The following NEB variants were observed in gnomAD, a reference collection of about 807,000 sequenced individuals.
NEB encodes the protein nebulin.
NEB carries 512 observed loss-of-function variants against 952.2 expected under a neutral mutation model. That is an observed-to-expected ratio of 0.54 (90% CI 0.50 to 0.58). The LOEUF (loss-of-function observed/expected upper bound fraction) is 0.58, where lower values mean the gene tolerates loss of function less well. Among genes scored for constraint, NEB ranks in the 20% least tolerant of loss-of-function variants. The probability of loss-of-function intolerance (pLI) is 0.00; values close to 1 mark genes in which losing one functional copy is unlikely to be tolerated. For synonymous variants in NEB, 2,900 were observed against 3,149.8 expected (o/e 0.92, Z 2.66); for missense variants, 8,428 against 9,231.1 (o/e 0.91, Z 3.56).
chr2:151,669,276 C>T, intron 38 of NEB, 145 bp from the exon 39 acceptor site: 4 of 610,006 alleles, frequency 6.6e-6, no homozygotes, highest in Non-Finnish European at 1.2e-5. Context: ...GGGAGGGGCC[C>T]TGGTAGATGC....
chr2:151,653,474 G>A (rs2099053276), intron 52 of NEB, among the ~76,000 whole-genome samples: 1 of 152,062 alleles, frequency 6.6e-6, no homozygotes, highest in South Asian at 2.1e-4. Context: ...AAGCCCTTGG[G>A]AACTTAAACC....
At chr2:151,526,107 TG>T in intron 149 of NEB, 39 bp from the exon 150 acceptor site, 19 of 1,611,848 alleles carry the variant, frequency 1.2e-5, no homozygotes, top group Non-Finnish European at 1.5e-5. Flanking sequence ...GGCATCTGCC[TG>T]GGGCGTTCTC....
rs769197414 is a variant in NEB, at chr2:151,540,296, C to T, written c.20892+48G>A. On this transcript the variant is annotated intron_variant, in intron 138 of 181. Coordinates refer to ENST00000397345, the MANE Select transcript of NEB (RefSeq NM_001164508.2). ...ATGTTATGTTTCTTAGGTACTTCAA[C>T]CTCAGCTCTCCCCATCACAACAGAA... The T allele has an allele frequency of 1.3e-5, 15 of 1,159,204 alleles. No homozygotes were observed. The South Asian group carries it at 2.2e-4, about 17-fold the overall frequency. 71.8% of individuals were successfully genotyped at this position (1,159,204 alleles called of 1,614,324 possible). A position where few individuals can be genotyped will look rare whatever the true frequency, so the allele number is the denominator to read the frequency against.
In NEB at chr2:151,609,278, C is replaced by A. The variant is rs373007581; in HGVS notation, c.12330+531G>T. 3.8e-3 allele frequency among the ~76,000 whole-genome samples: 584 copies of A among 151,868 alleles called. 2 individuals are homozygous for A. Among genetic ancestry groups the A allele is most frequent in the African/African-American group, 0.011 (457 of 41,444 alleles). ...TGAAAAATAAAGCACATGGGGTTGA[C>A]GGGATAAGTGCACGAGATTGTACTT... On this transcript the variant is annotated intron_variant, in intron 81 of 181. Coordinates refer to ENST00000397345, the MANE Select transcript of NEB (RefSeq NM_001164508.2).
intron 40 of NEB, among the ~76,000 whole-genome samples, chr2:151,667,267 T>A (rs991438433): frequency 6.6e-6 from 1 of 152,036 alleles, no homozygotes; most frequent in Non-Finnish European, 1.5e-5. Flanking sequence ...TTTTAGTATA[T>A]CATGACTTTT....
rs79910490 is a variant in NEB, at chr2:151,686,302, T to A, written c.2637+1117A>T. On this transcript the variant is annotated intron_variant, in intron 27 of 181. Coordinates refer to ENST00000397345, the MANE Select transcript of NEB (RefSeq NM_001164508.2). ...TGCAGCTTAGCATTTTGCCTGGATA[T>A]TATGTGAGAATGACTCATTTGCTAT... 3.2e-3 allele frequency among the ~76,000 whole-genome samples: 486 copies of A among 152,366 alleles called. 1 individual carries two copies. The highest frequency in any genetic ancestry group is 0.01 in the African/African-American group (431 of 41,590).
chr2:151,690,857 C>T (rs770134853), intron 23 of NEB, 32 bp from the exon 24 acceptor site: 4 of 1,454,850 alleles, frequency 2.7e-6, no homozygotes, highest in Non-Finnish European at 3.8e-6. Context: ...AATGAAATAT[C>T]AGTATATTCT....
chr2:151,614,223 A>T, intron 77 of NEB, 53 bp downstream of exon 77: 1 of 1,581,682 alleles, frequency 6.3e-7, no homozygotes, highest in South Asian at 1.1e-5. Context: ...CATGGCACAA[A>T]AGAGTTAGAA....
At chr2:151,574,133 C>A (rs1270159896) in intron 107 of NEB, among the ~76,000 whole-genome samples, 1 of 152,156 alleles carries the variant, frequency 6.6e-6, no homozygotes, top group Non-Finnish European at 1.5e-5. Flanking sequence ...CACCACCACG[C>A]CCAGCTAATT....
chr2:151,662,902 C>G (rs1050545849), intron 45 of NEB, among the ~76,000 whole-genome samples: 1 of 152,210 alleles, frequency 6.6e-6, no homozygotes, highest in Non-Finnish European at 1.5e-5. Flanking sequence ...TTCATTCAGG[C>G]ACTTACTACC....
intron 110 of NEB, among the ~76,000 whole-genome samples, chr2:151,568,992 C>A (rs773203347): frequency 7.9e-5 from 12 of 152,094 alleles, no homozygotes; most frequent in Non-Finnish European, 1.5e-4. Flanking sequence ...ATTTTTCCAA[C>A]GAAACAAACT....
chr2:151,514,745 G>A, intron 158 of NEB, 73 bp downstream of exon 158: 1 of 1,089,376 alleles, frequency 9.2e-7, no homozygotes. Flanking sequence ...AATGGTAGGA[G>A]GAACACATTA....
At chr2:151,549,871 T>C (rs2095158740) in intron 129 of NEB, 131 bp from the exon 130 acceptor site, 2 of 614,270 alleles carry the variant, frequency 3.3e-6, no homozygotes, top group African/African-American at 1.8e-5. Flanking sequence ...ACTGAATTGA[T>C]TTCAGGAGAG....
At chr2:151,612,717 G>A (rs1228069945) in intron 77 of NEB, among the ~76,000 whole-genome samples, 2 of 152,172 alleles carry the variant, frequency 1.3e-5, no homozygotes, top group Non-Finnish European at 2.9e-5. Context: ...CTCCTCTTAT[G>A]GAAACTGTAC....
chr2:151,487,956 T>C (rs1269358493), intron 181 of NEB, among the ~76,000 whole-genome samples: 1 of 152,154 alleles, frequency 6.6e-6, no homozygotes, highest in Admixed American at 6.5e-5. Context: ...TGATACAATA[T>C]GATATTTGAT....
chr2:151,496,730 G>C (rs1050375862), intron 172 of NEB, among the ~76,000 whole-genome samples: 6 of 152,016 alleles, frequency 3.9e-5, no homozygotes, highest in Non-Finnish European at 7.4e-5. Flanking sequence ...AAAAATGATT[G>C]AAAATATCAG....
At position 151,517,044 on chromosome 2, in the gene NEB, T is replaced by A. The variant is rs116145937; in HGVS notation, c.22801-481A>T. On this transcript the variant is annotated intron_variant, in intron 156 of 181. Coordinates refer to ENST00000397345, the MANE Select transcript of NEB (RefSeq NM_001164508.2). ...TGGATAACACATGGAGCTTTATTTA[T>A]AAGTAAACAACTCTATGTGGGTCCT... Among the ~76,000 whole-genome samples, 1,319 of 152,330 alleles carry A rather than the reference T, an allele frequency of 8.7e-3. 10 individuals are homozygous for A. The highest frequency in any genetic ancestry group is 0.014 in the Non-Finnish European group (982 of 68,034).
At position 151,538,085 on chromosome 2, in the gene NEB, T is replaced by C. The variant is rs2093476622; in HGVS notation, c.20997+55A>G. On this transcript the variant is annotated intron_variant, in intron 139 of 181. Transcript: ENST00000397345. Reference sequence around the variant, plus strand: ...GGGAGGTTGCTAAAAAATATATGTATATGTATATGGTGAGTTGTAGAGCCC... The same window carrying C: ...GGGAGGTTGCTAAAAAATATATGTACATGTATATGGTGAGTTGTAGAGCCC... The C allele has an allele frequency of 3.3e-5, 50 of 1,506,842 alleles. 1 individual carries two copies. In the East Asian group the frequency reaches 1.0e-3, roughly 31 times the overall value. The allele number at this position is 1,506,842 out of a possible 1,614,324, so 93.3% of individuals were successfully genotyped here.
chr2:151,503,460 A>G lies in NEB; in HGVS notation c.23743-19T>C. On this transcript the variant is annotated intron_variant, in intron 165 of 181. Transcript: ENST00000397345. ...ACATAACCTGTAGAAAATAATTAGA[A>G]TACCCAGAAAGGTAAAATGACCGTA... 1 of 1,524,870 alleles carries G rather than the reference A, an allele frequency of 6.6e-7. No individual in the cohort carries two copies. The highest frequency in any genetic ancestry group is 9.1e-7 in the Non-Finnish European group (1 of 1,099,702). 94.5% of individuals were successfully genotyped at this position (1,524,870 alleles called of 1,614,324 possible). A position where few individuals can be genotyped will look rare whatever the true frequency, so the allele number is the denominator to read the frequency against.
Sources: allele counts gnomAD v4.1 joint callset (sites outside exome capture counted in the v4.1 genomes callset), GRCh38; gene constraint gnomAD v4.1.1; transcripts MANE v1.5; gene names NCBI Gene and HGNC (gene_info 2026-07-23, HGNC 2026-07-21).